Variants in CTNNA2 observed in about 807,000 individuals in gnomAD.
CTNNA2 encodes the protein catenin alpha-2.
In CTNNA2, 42 loss-of-function variants were observed where a neutral mutation model predicts 101.0. The observed-to-expected ratio is 0.42, with a 90% confidence interval of 0.32 to 0.54. The LOEUF (loss-of-function observed/expected upper bound fraction) is 0.54. Among genes scored for constraint, CTNNA2 ranks in the 20% least tolerant of loss-of-function variants. CTNNA2 has a pLI of 0.14. For missense variants in CTNNA2, 871 were observed against 1,223.1 expected (o/e 0.71, Z 4.29); for synonymous variants, 450 against 456.4 (o/e 0.99, Z 0.18).
intron 3 of CTNNA2, among the ~76,000 whole-genome samples, chr2:79,354,265 A>G (rs1189425991): frequency 6.6e-6 from 1 of 152,140 alleles, no homozygotes; most frequent in African/African-American, 2.4e-5. Context: ...GTCCTCAAAT[A>G]TGTTTTCCAA....
intron 2 of CTNNA2, among the ~76,000 whole-genome samples, chr2:79,673,282 CT>C (rs1365311264): frequency 6.6e-6 from 1 of 151,638 alleles, no homozygotes; most frequent in Non-Finnish European, 1.5e-5. Flanking sequence ...CAGTGGATTC[CT>C]TAAAAACTTT....
intron 7 of CTNNA2, among the ~76,000 whole-genome samples, chr2:79,985,238 A>G (rs7574784): frequency 0.032 from 4,925 of 151,906 alleles, 252 homozygotes; most frequent in African/African-American, 0.11. Context: ...AGTGCTGCAC[A>G]CTCCATGCCT....
intron 7 of CTNNA2, among the ~76,000 whole-genome samples, chr2:80,239,740 C>T (rs754923391): frequency 6.6e-6 from 1 of 151,772 alleles, no homozygotes; most frequent in Admixed American, 6.6e-5. Flanking sequence ...GGTGAAACCC[C>T]GTCTTTACTA....
intron 3 of CTNNA2, among the ~76,000 whole-genome samples, chr2:79,751,933 G>T (rs1306565894): frequency 3.3e-5 from 5 of 152,124 alleles, no homozygotes; most frequent in Non-Finnish European, 5.9e-5. Flanking sequence ...GCTAAAAGTT[G>T]CAGGCATTAC....
intron 7 of CTNNA2, among the ~76,000 whole-genome samples, chr2:79,954,693 C>A (rs1384668806): frequency 6.6e-6 from 1 of 152,128 alleles, no homozygotes; most frequent in Non-Finnish European, 1.5e-5. Context: ...GCACACTGGT[C>A]CCATGAATTC....
At chr2:80,353,277 A>C (rs1291309716) in intron 7 of CTNNA2, among the ~76,000 whole-genome samples, 1 of 152,094 alleles carries the variant, frequency 6.6e-6, no homozygotes, top group Non-Finnish European at 1.5e-5. Context: ...ATAAGGGACA[A>C]AATTCTGCCA....
chr2:79,770,142 A>G (rs964488632), intron 3 of CTNNA2, among the ~76,000 whole-genome samples: 1 of 152,170 alleles, frequency 6.6e-6, no homozygotes, highest in Non-Finnish European at 1.5e-5. Flanking sequence ...GGTAGAAGTC[A>G]GGGATACTGC....
chr2:79,814,138 A>G (rs1451065789), intron 3 of CTNNA2, among the ~76,000 whole-genome samples: 2 of 152,182 alleles, frequency 1.3e-5, no homozygotes, highest in Non-Finnish European at 2.9e-5. Context: ...ATCTTAACTA[A>G]TACATGAGTG....
chr2:79,648,748 T>C (rs2104459681), intron 1 of CTNNA2, among the ~76,000 whole-genome samples: 1 of 152,298 alleles, frequency 6.6e-6, no homozygotes, highest in South Asian at 2.1e-4. Flanking sequence ...CCACTCCTTT[T>C]GTTCATTGCT....
intron 7 of CTNNA2, among the ~76,000 whole-genome samples, chr2:80,172,122 G>A (rs916988774): frequency 1.3e-5 from 2 of 152,044 alleles, no homozygotes; most frequent in Non-Finnish European, 2.9e-5. Flanking sequence ...ATGGCTACTC[G>A]GGGACCCCTG....
At chr2:80,107,629 G>A (rs1475562911) in intron 7 of CTNNA2, among the ~76,000 whole-genome samples, 3 of 152,210 alleles carry the variant, frequency 2.0e-5, no homozygotes, top group African/African-American at 2.4e-5. Flanking sequence ...CAGGACTCAC[G>A]GAGTGTGGTG....
At chr2:80,526,119 A>G (rs1013837620) in intron 9 of CTNNA2, among the ~76,000 whole-genome samples, 1 of 152,180 alleles carries the variant, frequency 6.6e-6, no homozygotes, top group African/African-American at 2.4e-5. Context: ...AAGTTAGGCC[A>G]CTATAGTTCA....
chr2:79,658,395 G>A (rs1340697832), intron 2 of CTNNA2, among the ~76,000 whole-genome samples: 1 of 151,986 alleles, frequency 6.6e-6, no homozygotes, highest in African/African-American at 2.4e-5. Context: ...AGTAATACAG[G>A]CTTGCTTTCA....
At position 79,807,746 on chromosome 2, in the gene CTNNA2, T is replaced by A. The variant is rs576550621; in HGVS notation, c.299-50267T>A. Among the ~76,000 whole-genome samples, 5 of 152,328 alleles carry A rather than the reference T, an allele frequency of 3.3e-5. No homozygotes were observed. The South Asian group carries it at 6.2e-4, about 19-fold the overall frequency. On this transcript the variant is annotated intron_variant, in intron 3 of 18. Transcript: ENST00000402739. ...TTACTGAAGTTACAGCTGTCCCATTTGGCTTTAAAAAGCACAATGCTATTA... is the reference window on the plus strand; with the variant it reads ...TTACTGAAGTTACAGCTGTCCCATTAGGCTTTAAAAAGCACAATGCTATTA...
chr2:80,240,512 G>A (rs1670849228), intron 7 of CTNNA2, among the ~76,000 whole-genome samples: 1 of 152,096 alleles, frequency 6.6e-6, no homozygotes, highest in African/African-American at 2.4e-5. Flanking sequence ...CTCGAGTATA[G>A]CCCTGTGAAA....
At chr2:79,568,626 A>G (rs75021344) in intron 1 of CTNNA2, among the ~76,000 whole-genome samples, 2,559 of 151,976 alleles carry the variant, frequency 0.017, 76 homozygotes, top group East Asian at 0.12. Context: ...AAAGAAAAGG[A>G]AAGAAAAGAA....
intron 7 of CTNNA2, among the ~76,000 whole-genome samples, chr2:80,374,684 T>TGC (rs1399159520): frequency 2.6e-3 from 271 of 105,614 alleles, no homozygotes; most frequent in African/African-American, 8.5e-3. Flanking sequence ...CGTGCGTGCG[T>TGC]GTGTGTGTGT....
intron 7 of CTNNA2, among the ~76,000 whole-genome samples, chr2:80,052,070 G>A (rs890483845): frequency 2.6e-5 from 4 of 152,150 alleles, no homozygotes; most frequent in Non-Finnish European, 5.9e-5. Context: ...GTAGAGAAAG[G>A]TATTCAATTA....
In CTNNA2 at chr2:80,614,287, AAAAAT is replaced by A; in HGVS notation, c.2431-4793_2431-4789del. ...AACCTGGGATTGAAAATATTTGGAA[AAAAAT>A]AAAAGTAACAATACAGCAATAAAAA... On this transcript the variant is annotated intron_variant, in intron 17 of 18. Coordinates refer to ENST00000402739, the MANE Select transcript of CTNNA2 (RefSeq NM_001282597.3). 2.6e-5 allele frequency among the ~76,000 whole-genome samples: 4 copies of A among 151,398 alleles called. 1 individual carries two copies. In the Middle Eastern group the frequency reaches 0.01, roughly 386 times the overall value.
Sources: allele counts gnomAD v4.1 joint callset (sites outside exome capture counted in the v4.1 genomes callset), GRCh38; gene constraint gnomAD v4.1.1; transcripts MANE v1.5; gene names NCBI Gene and HGNC (gene_info 2026-07-23, HGNC 2026-07-21).